Variants in D2HGDH observed in about 807,000 individuals in gnomAD.
The protein encoded by D2HGDH is D-2-hydroxyglutarate dehydrogenase, mitochondrial.
A neutral mutation model predicts 46.9 loss-of-function variants in D2HGDH; 31 were observed. That is an observed-to-expected ratio of 0.66 (90% CI 0.50 to 0.89). The LOEUF is 0.89. Ranked by LOEUF, D2HGDH falls within the 40% of genes least tolerant of loss-of-function variation. The probability of loss-of-function intolerance (pLI) is 0.00; values close to 1 mark genes in which losing one functional copy is unlikely to be tolerated. For synonymous variants in D2HGDH, 364 were observed against 332.6 expected (o/e 1.09, Z -1.03); for missense variants, 698 against 720.8 (o/e 0.97, Z 0.36).
rs544017156 is a variant in D2HGDH at position 241,735,235 on chromosome 2, G to A, written c.11G>A (p.Arg4His). 3 of 1,513,800 alleles carry A rather than the reference G, an allele frequency of 2.0e-6. No homozygotes were observed. Among genetic ancestry groups the A allele is most frequent in the South Asian group, 1.2e-5 (1 of 81,706 alleles). The allele number at this position is 1,513,800 out of a possible 1,614,324, so 93.8% of individuals were successfully genotyped here. A position where few individuals can be genotyped will look rare whatever the true frequency, so the allele number is the denominator to read the frequency against. The change falls in exon 2 of 10, where the codon CGT becomes CAT. Residue 4 changes from arginine to histidine, a missense_variant. Arg to His is a conservative substitution (Grantham distance 29, BLOSUM62 0). Coordinates refer to ENST00000321264, the MANE Select transcript of D2HGDH (RefSeq NM_152783.5). Reference sequence around the variant, plus strand: ...TCCGTCCCGGCGGCGATGCTGCCCCGTCGGCCTCTGGCGTGGCCCGCGTGG... The same window carrying A: ...TCCGTCCCGGCGGCGATGCTGCCCCATCGGCCTCTGGCGTGGCCCGCGTGG... MLP[R>H]RPLAWPAWLL...
At chr2:241,741,471 G>C (rs979490393) in intron 3 of D2HGDH, among the ~76,000 whole-genome samples, 4 of 152,172 alleles carry the variant, frequency 2.6e-5, no homozygotes, top group African/African-American at 9.6e-5. Context: ...GGGACTTGCT[G>C]TCTCCAGGGT....
intron 9 of D2HGDH, among the ~76,000 whole-genome samples, chr2:241,765,088 G>A (rs1354995704): frequency 2.6e-5 from 4 of 152,194 alleles, no homozygotes; most frequent in East Asian, 3.9e-4. Context: ...CTCCAGGGGC[G>A]ACACCCATGG....
chr2:241,761,442 G>A (rs1048377572), intron 9 of D2HGDH, among the ~76,000 whole-genome samples: 4 of 152,168 alleles, frequency 2.6e-5, no homozygotes, highest in Non-Finnish European at 5.9e-5. Context: ...GGGAGGCTGA[G>A]GCAGGAGAAT....
intron 7 of D2HGDH, 123 bp from the exon 8 acceptor site, chr2:241,751,123 C>T: frequency 7.3e-7 from 1 of 1,362,424 alleles, no homozygotes; most frequent in Non-Finnish European, 1.0e-6. Context: ...CGCAGGCTGC[C>T]TGGGTCCTTC....
rs1263552906 is a variant in D2HGDH, at chr2:241,742,290, G to T, written c.351-145G>T. ...TTCCTCAGAATCCCTCACATGCGTG[G>T]GCTGGGGAGGAGCCCCCGCTGAGGC... On this transcript the variant is annotated intron_variant, in intron 3 of 9. Coordinates refer to ENST00000321264, the MANE Select transcript of D2HGDH (RefSeq NM_152783.5). This position sits in a 1 kb window ranked among gnomAD's most constrained non-coding sequence, Gnocchi z 4.8. 9.1e-7 allele frequency: 1 copy of T among 1,102,256 alleles called. No homozygotes were observed. 68.3% of individuals were successfully genotyped at this position (1,102,256 alleles called of 1,614,324 possible). A position where few individuals can be genotyped will look rare whatever the true frequency, so the allele number is the denominator to read the frequency against.
chr2:241,746,601 A>G (rs111555081), intron 6 of D2HGDH, among the ~76,000 whole-genome samples: 2,032 of 152,110 alleles, frequency 0.013, 42 homozygotes, highest in African/African-American at 0.046. Flanking sequence ...TAAAAGTACA[A>G]AAATTAGGCT....
intron 9 of D2HGDH, among the ~76,000 whole-genome samples, chr2:241,763,230 C>T (rs866541248): frequency 1.3e-5 from 2 of 152,170 alleles, no homozygotes; most frequent in Non-Finnish European, 2.9e-5. Flanking sequence ...GTGAGCATCA[C>T]GGAGGGCACT....
At chr2:241,764,794 C>T (rs1431754709) in intron 9 of D2HGDH, among the ~76,000 whole-genome samples, 2 of 152,268 alleles carry the variant, frequency 1.3e-5, no homozygotes, top group African/African-American at 4.8e-5. Flanking sequence ...AAGCCGCTGT[C>T]CTTGTCTGGG....
chr2:241,751,410 G>A, intron 8 of D2HGDH, 22 bp downstream of exon 8: 2 of 1,612,156 alleles, frequency 1.2e-6, no homozygotes. Flanking sequence ...CCTGCTTGCA[G>A]GTCCCCGCTC....
At chr2:241,755,324 T>C in intron 8 of D2HGDH, 1 of 1,297,926 alleles carries the variant, frequency 7.7e-7, no homozygotes, top group South Asian at 1.2e-5. Flanking sequence ...TTGAGCTGCC[T>C]GGGCCCTGCT....
chr2:241,753,751 G>A (rs1312147344), intron 8 of D2HGDH, among the ~76,000 whole-genome samples: 1 of 152,226 alleles, frequency 6.6e-6, no homozygotes, highest in Non-Finnish European at 1.5e-5. Flanking sequence ...CTATCCACCC[G>A]TCACGTGTCA....
chr2:241,758,281 C>G (rs374846092), intron 9 of D2HGDH, among the ~76,000 whole-genome samples: 16 of 152,286 alleles, frequency 1.1e-4, no homozygotes, highest in African/African-American at 3.8e-4. Context: ...TTATGCAGAA[C>G]TTGCCAGTGG....
intron 8 of D2HGDH, among the ~76,000 whole-genome samples, chr2:241,754,060 C>T (rs941078063): frequency 2.6e-5 from 4 of 152,232 alleles, no homozygotes; most frequent in African/African-American, 9.6e-5. Flanking sequence ...CTGAGGGGCG[C>T]GTGCCTGCCA....
chr2:241,767,710 G>A lies in D2HGDH; in HGVS notation c.1307G>A (p.Gly436Glu). 6.2e-7 allele frequency: 1 copy of A among 1,612,820 alleles called. No individual in the cohort carries two copies. The highest frequency in any genetic ancestry group is 8.5e-7 in the Non-Finnish European group (1 of 1,179,536). ...AKHVVGYGHL[G>E]DGNLHLNVTA... is the part of the protein sequence containing the mutation. Reference sequence around the variant, plus strand: ...GACCCATGTGCCCTTGTCCCTCCAGGAGATGGTAACCTGCACCTCAATGTG... The same window carrying A: ...GACCCATGTGCCCTTGTCCCTCCAGAAGATGGTAACCTGCACCTCAATGTG... The change falls in exon 10 of 10, where the codon GGA (glycine) becomes GAA (glutamate). Residue 436 changes from glycine to glutamate, a missense_variant and splice_region_variant. By Grantham distance (98) the Gly-to-Glu change is moderately conservative. Coordinates refer to ENST00000321264, the MANE Select transcript of D2HGDH (RefSeq NM_152783.5).
chr2:241,744,859 G>T lies in D2HGDH; in HGVS notation c.835G>T (p.Val279Leu), dbSNP rs1695434637. 1.2e-6 allele frequency: 2 copies of T among 1,614,002 alleles called. No homozygotes were observed. Among genetic ancestry groups the T allele is most frequent in the South Asian group, 2.2e-5 (2 of 91,088 alleles). ...CTTGTGTCCACCCAAGCCCAGGGCT[G>T]TGAACGTGGCTTTCCTCGGTGGGCT... ...SILCPPKPRAVNVAFLGCPGF... is the reference protein window; with the variant it reads ...SILCPPKPRALNVAFLGCPGF... Residue 279 changes from valine (V) to leucine (L), a missense_variant, in exon 6 of 10, where the codon GTG becomes TTG. Transcript: ENST00000321264.
rs1267737111 is a variant in D2HGDH, at chr2:241,755,202, C to T, written c.1141-647C>T. The T allele has an allele frequency of 2.3e-6, 3 of 1,293,618 alleles. No homozygotes were observed. In the Admixed American group the frequency reaches 7.0e-5, roughly 30 times the overall value. The allele number at this position is 1,293,618 out of a possible 1,614,324, so 80.1% of individuals were successfully genotyped here. A position where few individuals can be genotyped will look rare whatever the true frequency, so the allele number is the denominator to read the frequency against. ...CCGTGGCCCGCCCGCCGTGTCCCTC[C>T]TCCTCCACGGCCCGCCCACCGTGTC... On this transcript the variant is annotated intron_variant, in intron 8 of 9. Coordinates refer to ENST00000321264, the MANE Select transcript of D2HGDH (RefSeq NM_152783.5).
intron 6 of D2HGDH, among the ~76,000 whole-genome samples, chr2:241,747,319 A>G (rs1293367504): frequency 6.6e-6 from 1 of 152,056 alleles, no homozygotes; most frequent in Non-Finnish European, 1.5e-5. Context: ...GGCAGTGTGC[A>G]GCTCATTATG....
chr2:241,744,642 C>T, intron 5 of D2HGDH, 67 bp from the exon 6 acceptor site: 4 of 1,600,446 alleles, frequency 2.5e-6, no homozygotes, highest in Non-Finnish European at 3.4e-6. Context: ...GACACCTGGC[C>T]CCGGAGGCGA....
At chr2:241,758,354 A>G (rs1246221426) in intron 9 of D2HGDH, among the ~76,000 whole-genome samples, 1 of 152,164 alleles carries the variant, frequency 6.6e-6, no homozygotes, top group East Asian at 1.9e-4. Flanking sequence ...AGCTTCTTCA[A>G]TAGCTTTAGG....
Sources: gnomAD v4.1 joint callset for allele counts (sites outside exome capture counted in the v4.1 genomes callset) on GRCh38, gnomAD v4.1.1 for gene constraint, Gnocchi (gnomAD v3.1) non-coding constraint, MANE v1.5 for transcripts, NCBI Gene and HGNC (gene_info 2026-07-23, HGNC 2026-07-21) for gene names.